Variants in ABCA10 observed in about 807,000 individuals in gnomAD.
The protein encoded by ABCA10 is ATP-binding cassette sub-family A member 10.
In ABCA10, 169 loss-of-function variants were observed where a neutral mutation model predicts 187.5. The ratio of observed to expected loss-of-function variants is 0.90; its 90% confidence interval spans 0.80 to 1.02. The LOEUF (loss-of-function observed/expected upper bound fraction) is 1.02. ABCA10 is among the 50% of genes least tolerant of loss of function. The probability of loss-of-function intolerance (pLI) is 0.00; values close to 1 mark genes in which losing one functional copy is unlikely to be tolerated. For missense variants in ABCA10, 1,727 were observed against 1,812.4 expected (o/e 0.95, Z 0.86); for synonymous variants, 574 against 601.8 (o/e 0.95, Z 0.68).
rs549717491 is a variant in ABCA10 at position 69,208,674 on chromosome 17, A to G, written c.1006+6030T>C. ...AATGATGGACAAAGGATAAAACAAGAGATTCCAAAAGGAAGAAAGCAATGA... is the reference window on the plus strand; with the variant it reads ...AATGATGGACAAAGGATAAAACAAGGGATTCCAAAAGGAAGAAAGCAATGA... On this transcript the variant is annotated intron_variant, in intron 9 of 38. Coordinates refer to ENST00000690296, the MANE Select transcript of ABCA10 (RefSeq NM_001377321.1). 1.4e-4 allele frequency among the ~76,000 whole-genome samples: 22 copies of G among 152,274 alleles called. No homozygotes were observed. The East Asian group carries it at 4.2e-3, about 29-fold the overall frequency.
Position 69,152,490 on chromosome 17 carries a change from AAAGT to A in ABCA10, c.4137-13_4137-10del, listed in dbSNP as rs752307616. The stretch of plus-strand genomic sequence containing the variant: ...TAGCCTGAAGTATCTGCCTAAAGAT[AAAGT>A]AAGGGATTGTTTGCATTTAGAAAGT... On this transcript the variant is annotated splice_polypyrimidine_tract_variant and intron_variant, in intron 34 of 38. Transcript: ENST00000690296. 6.2e-7 allele frequency: 1 copy of A among 1,603,466 alleles called. No individual in the cohort carries two copies. The highest frequency in any genetic ancestry group is 1.7e-5 in the Admixed American group (1 of 57,268).
chr17:69,151,998 T>G, intron 36 of ABCA10, 45 bp downstream of exon 36: 6 of 1,581,924 alleles, frequency 3.8e-6, no homozygotes, highest in Non-Finnish European at 5.1e-6. Flanking sequence ...ATGCTAATAC[T>G]GGAAAACACT....
At chr17:69,155,164 C>A (rs1357434973) in intron 29 of ABCA10, 28 bp from the exon 30 acceptor site, 12 of 1,507,814 alleles carry the variant, frequency 8.0e-6, no homozygotes, top group Non-Finnish European at 1.1e-5. Context: ...GCATGATTTC[C>A]CTGTTAAATT....
At chr17:69,150,642 A>AAG (rs1489575371) in intron 36 of ABCA10, among the ~76,000 whole-genome samples, 2 of 152,108 alleles carry the variant, frequency 1.3e-5, no homozygotes, top group Non-Finnish European at 2.9e-5. Context: ...AACCACACTT[A>AAG]CGATTTTCCT....
rs554018017 is a variant in ABCA10 at position 69,239,333 on chromosome 17, C to A, written c.-593+5196G>T. Among the ~76,000 whole-genome samples the A allele has an allele frequency of 2.0e-5, 3 of 152,244 alleles. No individual in the cohort carries two copies. The South Asian group carries it at 6.2e-4, about 32-fold the overall frequency. Reference sequence around the variant, plus strand: ...AACTATTTTTAAAAAGAATGGTTCCCAGGTCGTTGGAGAAAGAAACATGTG... The same window carrying A: ...AACTATTTTTAAAAAGAATGGTTCCAAGGTCGTTGGAGAAAGAAACATGTG... On this transcript the variant is annotated intron_variant, in intron 1 of 39. Transcript: ENST00000269081.
chr17:69,201,943 C>T (rs745674041), intron 9 of ABCA10, among the ~76,000 whole-genome samples: 2 of 152,118 alleles, frequency 1.3e-5, no homozygotes, highest in African/African-American at 2.4e-5. Context: ...CCACCACGCC[C>T]GGCTAACTTT....
intron 1 of ABCA10, chr17:69,234,827 C>T (rs2074855820): frequency 2.0e-5 from 3 of 152,168 alleles, no homozygotes; most frequent in Admixed American, 2.0e-4. Flanking sequence ...TCTTAATTAC[C>T]ATTTTTAATG....
intron 12 of ABCA10, 148 bp downstream of exon 12, chr17:69,194,237 G>T: frequency 1.3e-6 from 1 of 749,592 alleles, no homozygotes; most frequent in Non-Finnish European, 2.2e-6. Context: ...ATGTTTTCAT[G>T]AATTTATGTG....
At position 69,214,711 on chromosome 17, in the gene ABCA10, A is replaced by G. The variant is rs776432331; in HGVS notation, c.999T>C (p.Val333=). 6.6e-7 allele frequency: 1 copy of G among 1,504,022 alleles called. No individual in the cohort carries two copies. The highest frequency in any genetic ancestry group is 1.3e-5 in the South Asian group (1 of 76,516). The allele number at this position is 1,504,022 out of a possible 1,614,324, so 93.2% of individuals were successfully genotyped here. ...ACCACACTATTAACTTACCAGGTAA[A>G]ACTCGCTCAAAATATAATGTGAATA... ...YLIFTLYFER[V]LPDKDGHGDS... The change falls in exon 9 of 39, where the codon GTT becomes GTC. Residue 333 remains valine (V), a synonymous_variant. Coordinates refer to ENST00000690296, the MANE Select transcript of ABCA10 (RefSeq NM_001377321.1).
intron 1 of ABCA10, among the ~76,000 whole-genome samples, chr17:69,236,785 T>C (rs1488895175): frequency 6.6e-6 from 1 of 151,978 alleles, no homozygotes; most frequent in African/African-American, 2.4e-5. Flanking sequence ...GGAGACATTT[T>C]TGGTCTTGGG....
At chr17:69,176,009 C>T (rs1490990245) in intron 22 of ABCA10, among the ~76,000 whole-genome samples, 3 of 152,024 alleles carry the variant, frequency 2.0e-5, no homozygotes, top group Admixed American at 6.6e-5. Flanking sequence ...CTGGAATTTT[C>T]CGTTTAATAT....
intron 17 of ABCA10, 134 bp downstream of exon 17, chr17:69,191,042 T>C (rs1162662280): frequency 1.8e-5 from 17 of 929,014 alleles, no homozygotes; most frequent in Non-Finnish European, 2.4e-5. Context: ...ATATTGGAAA[T>C]AGGAACAGAT....
intron 25 of ABCA10, among the ~76,000 whole-genome samples, chr17:69,166,576 C>A (rs1454951819): frequency 6.6e-6 from 1 of 152,064 alleles, no homozygotes; most frequent in Non-Finnish European, 1.5e-5. Context: ...GGCTTTAATA[C>A]AATTTGAGAA....
chr17:69,240,620 G>A lies in ABCA10; in HGVS notation c.-593+3909C>T, dbSNP rs2144870200. On this transcript the variant is annotated intron_variant, in intron 1 of 39. Transcript: ENST00000269081. ...AGTACCATGTGGTGAGATTTTGGTG[G>A]TCTGTCTTCTGACTGTGATATTAAC... Among the ~76,000 whole-genome samples the A allele has an allele frequency of 1.3e-5, 2 of 152,268 alleles. 1 individual carries two copies. Among genetic ancestry groups the A allele is most frequent in the South Asian group, 4.1e-4 (2 of 4,822 alleles).
In ABCA10 at chr17:69,175,439, A is replaced by G; in HGVS notation, c.2844T>C (p.Pro948=). The change falls in exon 23 of 39, where the codon CCT becomes CCC. Residue 948 remains proline, a synonymous_variant. Transcript: ENST00000690296. ...FLLLITNCVS[P]FIGMSSISDY... ...CGCTGATGCTGCTCATGCCGATAAA[A>G]GGAGAAACGCAGTTTGTGATCAACA... 6.2e-7 allele frequency: 1 copy of G among 1,612,250 alleles called. No individual in the cohort carries two copies. The highest frequency in any genetic ancestry group is 8.5e-7 in the Non-Finnish European group (1 of 1,178,742).
upstream of ABCA10, among the ~76,000 whole-genome samples, chr17:69,231,978 C>T (rs1289478849): frequency 6.6e-6 from 1 of 151,980 alleles, no homozygotes; most frequent in African/African-American, 2.4e-5. Context: ...TGTTGCTGTA[C>T]TGGCCTCTTT....
intron 9 of ABCA10, among the ~76,000 whole-genome samples, chr17:69,211,952 T>C (rs1055015326): frequency 1.3e-5 from 2 of 152,162 alleles, no homozygotes; most frequent in Non-Finnish European, 2.9e-5. Flanking sequence ...CATTTATTTT[T>C]TGTATTTTTT....
rs2074545246 is a variant in ABCA10, at chr17:69,201,572, AT to A, written c.1102del (p.Ile368Ter). 6.2e-7 allele frequency: 1 copy of A among 1,612,918 alleles called. No individual in the cohort carries two copies. The highest frequency in any genetic ancestry group is 8.5e-7 in the Non-Finnish European group (1 of 1,179,672). ...ATCATCAGAGGAATGCTCAGGATTT[AT>A]TTCATTCTCAAAGATTTCATGATGA... ...NTHHEIFENE[I>X]NPEHSSDDSF... is the part of the protein sequence containing the mutation. On this transcript the variant is annotated frameshift_variant, in exon 10 of 39. Transcript: ENST00000690296. LOFTEE classifies it high-confidence loss of function.
At chr17:69,153,671 AATGCTAAATCTTATGATTTGGTTC>A in intron 32 of ABCA10, 125 bp from the exon 33 acceptor site, 1 of 1,450,108 alleles carries the variant, frequency 6.9e-7, no homozygotes, top group Non-Finnish European at 9.3e-7. Flanking sequence ...CGTTTTCATA[AATGCTAAATCTTATGATTTGGTTC>A]TTATTCAGGT....
Sources: allele counts gnomAD v4.1 joint callset (sites outside exome capture counted in the v4.1 genomes callset), GRCh38; gene constraint gnomAD v4.1.1; transcripts MANE v1.5; gene names NCBI Gene and HGNC (gene_info 2026-07-23, HGNC 2026-07-21).